The following DNM3 variants were observed in gnomAD, a reference collection of about 807,000 sequenced individuals.
DNM3 encodes dynamin 3, also known as dynamin-3.
In DNM3, 47 loss-of-function variants were observed where a neutral mutation model predicts 101.6. The ratio of observed to expected loss-of-function variants is 0.46; its 90% CI spans 0.37 to 0.59. The LOEUF is 0.59. Ranked by LOEUF, DNM3 falls within the 20% of genes least tolerant of loss-of-function variation. The pLI is 0.00. For missense variants in DNM3, 849 were observed against 1,085.7 expected (o/e 0.78, Z 3.06); for synonymous variants, 385 against 387.9 (o/e 0.99, Z 0.09).
At chr1:172,305,467 G>A (rs1190893329) in intron 15 of DNM3, among the ~76,000 whole-genome samples, 1 of 152,214 alleles carries the variant, frequency 6.6e-6, no homozygotes, top group African/African-American at 2.4e-5. Context: ...GGAGGAACTG[G>A]TAGCATTCCT....
chr1:172,237,404 G>T (rs1027251599), intron 14 of DNM3, among the ~76,000 whole-genome samples: 2 of 152,046 alleles, frequency 1.3e-5, no homozygotes, highest in Non-Finnish European at 2.9e-5. Context: ...AGGTTCTGAG[G>T]GCCAGATCTG....
At chr1:172,140,665 G>A (rs973771308) in intron 14 of DNM3, 1 of 151,778 alleles carries the variant, frequency 6.6e-6, no homozygotes, top group Non-Finnish European at 1.5e-5. Flanking sequence ...TTTTATTAAG[G>A]CAAGATATAA....
intron 14 of DNM3, among the ~76,000 whole-genome samples, chr1:172,174,014 G>A (rs16843972): frequency 0.12 from 17,786 of 151,548 alleles, 1,713 homozygotes; most frequent in African/African-American, 0.26. Flanking sequence ...AGTTACTGGT[G>A]ATACCATAGT....
intron 16 of DNM3, among the ~76,000 whole-genome samples, chr1:172,314,922 A>G (rs1375032853): frequency 2.6e-5 from 4 of 152,298 alleles, no homozygotes; most frequent in Admixed American, 6.5e-5. Context: ...ATCTGAGAAC[A>G]GGCAGACTGC....
intron 15 of DNM3, among the ~76,000 whole-genome samples, chr1:172,293,498 A>G (rs1299472395): frequency 6.6e-6 from 1 of 152,246 alleles, no homozygotes; most frequent in Admixed American, 6.5e-5. Context: ...TCATATCTGC[A>G]TGATTGCAGC....
At chr1:172,166,140 A>G (rs1442244054) in intron 14 of DNM3, among the ~76,000 whole-genome samples, 1 of 151,974 alleles carries the variant, frequency 6.6e-6, no homozygotes, top group Non-Finnish European at 1.5e-5. Context: ...CAAGCACCTT[A>G]AGAAGAGACA....
At chr1:172,105,001 T>TA (rs2054910814) in intron 13 of DNM3, among the ~76,000 whole-genome samples, 1 of 152,212 alleles carries the variant, frequency 6.6e-6, no homozygotes, top group African/African-American at 2.4e-5. Flanking sequence ...ATCTACCTCT[T>TA]AGAGTTGTTG....
intron 17 of DNM3, among the ~76,000 whole-genome samples, chr1:172,373,791 A>AT (rs1347566595): frequency 6.6e-6 from 1 of 152,004 alleles, no homozygotes; most frequent in Admixed American, 6.6e-5. Context: ...AAGAAAAAAA[A>AT]CTCCAGACCC....
At chr1:172,391,950 G>A (rs2069561106) in intron 20 of DNM3, among the ~76,000 whole-genome samples, 1 of 152,166 alleles carries the variant, frequency 6.6e-6, no homozygotes, top group South Asian at 2.1e-4. Context: ...TTATGATCTT[G>A]ACTTTTAAGA....
chr1:171,916,471 C>T (rs1040585207), intron 1 of DNM3, among the ~76,000 whole-genome samples: 3 of 152,156 alleles, frequency 2.0e-5, no homozygotes, highest in Non-Finnish European at 4.4e-5. Context: ...CCTAACTCTT[C>T]CATATCACTA....
intron 14 of DNM3, among the ~76,000 whole-genome samples, chr1:172,234,635 A>G (rs2061466922): frequency 6.6e-6 from 1 of 152,256 alleles, no homozygotes; most frequent in East Asian, 1.9e-4. Context: ...TTCAAACTAT[A>G]TTACAAGGCT....
At chr1:171,987,578 TTATAA>T in intron 2 of DNM3, 73 bp from the exon 3 acceptor site, 1 of 1,398,744 alleles carries the variant, frequency 7.1e-7, no homozygotes, top group Non-Finnish European at 9.6e-7. Context: ...ATACTTTGAC[TTATAA>T]TTAAAGAAAC....
chr1:172,400,567 C>A (rs2070401510), intron 20 of DNM3, among the ~76,000 whole-genome samples: 1 of 152,074 alleles, frequency 6.6e-6, no homozygotes, highest in Non-Finnish European at 1.5e-5. Context: ...ACACTGTATC[C>A]CTCTTGCCTT....
intron 2 of DNM3, among the ~76,000 whole-genome samples, chr1:171,963,912 T>G (rs2043391204): frequency 1.3e-5 from 2 of 152,046 alleles, no homozygotes; most frequent in South Asian, 4.2e-4. Flanking sequence ...TCAAAAAACC[T>G]GAAATACTAG....
chr1:171,841,926 G>A (rs1008237199), intron 1 of DNM3, 109 bp downstream of exon 1: 2 of 1,229,688 alleles, frequency 1.6e-6, no homozygotes, highest in Admixed American at 5.5e-5. Flanking sequence ...ACCAGGCGCT[G>A]CGGTGGAATG....
At chr1:172,204,708 G>A (rs1307852003) in intron 14 of DNM3, among the ~76,000 whole-genome samples, 2 of 152,070 alleles carry the variant, frequency 1.3e-5, no homozygotes, top group African/African-American at 4.8e-5. Context: ...TTCAAATCCT[G>A]ATGGTCTTTT....
At position 172,305,178 on chromosome 1, in the gene DNM3, C is replaced by T. The variant is rs536927572; in HGVS notation, c.1770-3550C>T. On this transcript the variant is annotated intron_variant, in intron 15 of 20. Coordinates refer to ENST00000627582, the MANE Select transcript of DNM3 (RefSeq NM_015569.5). The stretch of plus-strand genomic sequence containing the variant: ...AAAAGAGAGAAGAATCAAATAGATG[C>T]AATAAAAAATGATAAAGGGGATATC... Among the ~76,000 whole-genome samples, 5 of 152,050 alleles carry T rather than the reference C, an allele frequency of 3.3e-5. No individual in the cohort carries two copies. In the East Asian group the frequency reaches 7.7e-4, roughly 23 times the overall value.
At chr1:171,906,828 A>C (rs1294607936) in intron 1 of DNM3, among the ~76,000 whole-genome samples, 8 of 152,230 alleles carry the variant, frequency 5.3e-5, no homozygotes, top group Non-Finnish European at 1.5e-5. Context: ...AGTCCTTTCA[A>C]AAACTTTTCA....
chr1:172,349,369 G>A (rs566703522), intron 17 of DNM3, among the ~76,000 whole-genome samples: 14 of 152,204 alleles, frequency 9.2e-5, no homozygotes, highest in African/African-American at 2.6e-4. Flanking sequence ...TAGTTCAGTC[G>A]CTGGCACTTG....
Sources: gnomAD v4.1 joint callset for allele counts (sites outside exome capture counted in the v4.1 genomes callset) on GRCh38, gnomAD v4.1.1 for gene constraint, MANE v1.5 for transcripts, NCBI Gene and HGNC (gene_info 2026-07-23, HGNC 2026-07-21) for gene names.